The following NCAM2 variants were observed in gnomAD, a reference collection of about 807,000 sequenced individuals.
NCAM2 encodes N-CAM-2.
In NCAM2, 30 loss-of-function variants were observed where a neutral mutation model predicts 98.1. The ratio of observed to expected loss-of-function variants is 0.31; its 90% CI spans 0.23 to 0.41. The LOEUF is 0.41. Among genes scored for constraint, NCAM2 ranks in the 10% least tolerant of loss-of-function variants. The pLI, the probability that NCAM2 is intolerant of heterozygous loss-of-function variation, is 1.00. For missense variants in NCAM2, 867 were observed against 1,005.8 expected, an observed-to-expected ratio of 0.86 and a Z score of 1.87; for synonymous variants, 368 against 342.4, an observed-to-expected ratio of 1.07 and a Z score of -0.83.
chr21:21,374,040 T>C (rs773993711), intron 9 of NCAM2, 27 bp downstream of exon 9: 1 of 1,589,702 alleles, frequency 6.3e-7, no homozygotes, highest in Non-Finnish European at 8.5e-7. Flanking sequence ...TGTATTTTCA[T>C]TAAAATAACT....
chr21:21,090,093 GA>G (rs1412797046), intron 1 of NCAM2, among the ~76,000 whole-genome samples: 2 of 152,116 alleles, frequency 1.3e-5, no homozygotes, highest in African/African-American at 2.4e-5. Flanking sequence ...GCAGCAACTG[GA>G]CATTGATGGA....
chr21:21,452,927 TA>T (rs1364854290), intron 12 of NCAM2, among the ~76,000 whole-genome samples: 425 of 99,050 alleles, frequency 4.3e-3, no homozygotes, highest in Admixed American at 6.5e-3. Flanking sequence ...ATATATTATA[TA>T]ATATATATAA....
chr21:21,388,085 C>T (rs1202324594), intron 9 of NCAM2, among the ~76,000 whole-genome samples: 1 of 152,120 alleles, frequency 6.6e-6, no homozygotes, highest in Admixed American at 6.6e-5. Context: ...ACACATATAA[C>T]CAGGCTGAAG....
chr21:21,054,750 T>A (rs892424944), intron 1 of NCAM2, among the ~76,000 whole-genome samples: 2 of 152,044 alleles, frequency 1.3e-5, no homozygotes, highest in African/African-American at 2.4e-5. Flanking sequence ...TTTTGAAAAT[T>A]TGTCTCAAAG....
chr21:21,320,632 A>T (rs1230900681), intron 5 of NCAM2, among the ~76,000 whole-genome samples: 1 of 152,170 alleles, frequency 6.6e-6, no homozygotes, highest in Non-Finnish European at 1.5e-5. Flanking sequence ...TGATATGACT[A>T]TATGAAAGTA....
At chr21:21,180,697 T>C (rs573927260) in intron 1 of NCAM2, among the ~76,000 whole-genome samples, 10 of 152,314 alleles carry the variant, frequency 6.6e-5, no homozygotes, top group African/African-American at 1.7e-4. Context: ...AATTAGTTTT[T>C]GCCTTGTTTC....
At chr21:21,013,689 G>A (rs987116529) in intron 1 of NCAM2, among the ~76,000 whole-genome samples, 4 of 152,102 alleles carry the variant, frequency 2.6e-5, no homozygotes, top group African/African-American at 9.7e-5. Flanking sequence ...GCTGAGGCAG[G>A]AGAATTGCTT....
At chr21:21,492,468 C>T (rs1986919228) in intron 15 of NCAM2, among the ~76,000 whole-genome samples, 1 of 151,864 alleles carries the variant, frequency 6.6e-6, no homozygotes, top group Non-Finnish European at 1.5e-5. Context: ...CATATAGCTG[C>T]TTCCCTATGA....
chr21:21,370,206 G>A (rs1260143198), intron 8 of NCAM2, among the ~76,000 whole-genome samples: 2 of 151,730 alleles, frequency 1.3e-5, no homozygotes, highest in African/African-American at 4.8e-5. Context: ...TTTCCTTTCT[G>A]AATGTCATCT....
At chr21:21,022,396 A>G (rs532523481) in intron 1 of NCAM2, among the ~76,000 whole-genome samples, 1 of 152,218 alleles carries the variant, frequency 6.6e-6, no homozygotes, top group South Asian at 2.1e-4. Context: ...CTTTGTGTAT[A>G]TAATTTAGTT....
chr21:21,473,080 A>G (rs1984661965), intron 14 of NCAM2, among the ~76,000 whole-genome samples: 1 of 151,384 alleles, frequency 6.6e-6, no homozygotes, highest in South Asian at 2.1e-4. Flanking sequence ...CTCAGAGGAC[A>G]ACTTTTTGTC....
chr21:21,012,137 A>T (rs1449647630), intron 1 of NCAM2, among the ~76,000 whole-genome samples: 1 of 152,154 alleles, frequency 6.6e-6, no homozygotes, highest in Non-Finnish European at 1.5e-5. Context: ...AATCCAGGTT[A>T]GTGACTGCCA....
intron 1 of NCAM2, among the ~76,000 whole-genome samples, chr21:21,085,477 A>C (rs1375846237): frequency 2.0e-5 from 3 of 151,944 alleles, no homozygotes. Flanking sequence ...TTGCTGTCTC[A>C]TGCTCGTTTT....
At chr21:21,046,159 T>G (rs1428750345) in intron 1 of NCAM2, among the ~76,000 whole-genome samples, 1 of 152,190 alleles carries the variant, frequency 6.6e-6, no homozygotes, top group East Asian at 1.9e-4. Context: ...GTTACCCATG[T>G]TTTTTATATA....
chr21:21,112,304 C>T (rs1425206630), intron 1 of NCAM2, among the ~76,000 whole-genome samples: 2 of 152,070 alleles, frequency 1.3e-5, no homozygotes, highest in Admixed American at 1.3e-4. Flanking sequence ...TTGCATTCTG[C>T]TCTGAATTCT....
chr21:21,255,924 G>A (rs1331504046), intron 1 of NCAM2, among the ~76,000 whole-genome samples: 1 of 152,108 alleles, frequency 6.6e-6, no homozygotes, highest in Non-Finnish European at 1.5e-5. Flanking sequence ...CTCTGATTAT[G>A]ACCAACAACA....
rs567601005 is a variant in NCAM2 at position 21,123,365 on chromosome 21, C to A, written c.55+124747C>A. Among the ~76,000 whole-genome samples, 4 of 150,706 alleles carry A rather than the reference C, an allele frequency of 2.7e-5. No homozygotes were observed. The South Asian group carries it at 8.4e-4, about 32-fold the overall frequency. On this transcript the variant is annotated intron_variant, in intron 1 of 17. Coordinates refer to ENST00000400546, the MANE Select transcript of NCAM2 (RefSeq NM_004540.5). ...TGAGTCAAGATCGCGCCACTGCACTCTAGCCTGGGAGACAGAGCGAAGAGA... is the reference window on the plus strand; with the variant it reads ...TGAGTCAAGATCGCGCCACTGCACTATAGCCTGGGAGACAGAGCGAAGAGA...
chr21:21,440,190 T>A (rs1051689033), intron 12 of NCAM2, among the ~76,000 whole-genome samples: 1 of 152,208 alleles, frequency 6.6e-6, no homozygotes, highest in African/African-American at 2.4e-5. Context: ...AAAAATAATT[T>A]GATTTTTATA....
At chr21:21,439,229 C>T (rs1052642918) in intron 12 of NCAM2, among the ~76,000 whole-genome samples, 6 of 151,862 alleles carry the variant, frequency 4.0e-5, no homozygotes, top group African/African-American at 1.2e-4. Context: ...AGCAATTCTC[C>T]TGCCTCAGCC....
Sources: allele counts gnomAD v4.1 joint callset (sites outside exome capture counted in the v4.1 genomes callset), GRCh38; gene constraint gnomAD v4.1.1; transcripts MANE v1.5; gene names NCBI Gene and HGNC (gene_info 2026-07-23, HGNC 2026-07-21).